Variants in RERE observed in about 807,000 individuals in gnomAD.
RERE encodes the protein arginine-glutamic acid dipeptide repeats, also known as arginine-glutamic acid dipeptide repeats protein.
RERE carries 40 observed loss-of-function variants against 146.1 expected under a neutral mutation model. The observed-to-expected ratio is 0.27, with a 90% CI of 0.21 to 0.36. The LOEUF (loss-of-function observed/expected upper bound fraction) is 0.36, where lower values mean the gene tolerates loss of function less well. Among genes scored for constraint, RERE ranks in the 10% least tolerant of loss-of-function variants. RERE has a pLI of 1.00. For missense variants in RERE, 1,933 were observed against 2,138.7 expected, an observed-to-expected ratio of 0.90 and a Z score of 1.90; for synonymous variants, 1,003 against 866.0, an observed-to-expected ratio of 1.16 and a Z score of -2.78.
intron 12 of RERE, among the ~76,000 whole-genome samples, chr1:8,412,797 A>G (rs955930627): frequency 6.6e-6 from 1 of 152,214 alleles, no homozygotes; most frequent in African/African-American, 2.4e-5. Flanking sequence ...CTGGGACAGT[A>G]GAGTTCACAG....
chr1:8,633,281 G>A (rs1017433409), intron 2 of RERE, among the ~76,000 whole-genome samples: 1 of 152,062 alleles, frequency 6.6e-6, no homozygotes, highest in African/African-American at 2.4e-5. Context: ...TAAATAGCTG[G>A]GCACGGTGGC....
intron 1 of RERE, among the ~76,000 whole-genome samples, chr1:8,701,320 A>ACG (rs1639444556): frequency 3.1e-5 from 1 of 32,568 alleles, no homozygotes; most frequent in Non-Finnish European, 6.5e-5. Context: ...ACACACACAC[A>ACG]CACGCACACA....
At chr1:8,533,157 T>TG (rs1161715475) in intron 7 of RERE, among the ~76,000 whole-genome samples, 1 of 151,614 alleles carries the variant, frequency 6.6e-6, no homozygotes, top group Non-Finnish European at 1.5e-5. Flanking sequence ...GGCGGAAATC[T>TG]GGATGTAATG....
At chr1:8,451,523 A>G (rs1411561325) in intron 11 of RERE, among the ~76,000 whole-genome samples, 1 of 152,190 alleles carries the variant, frequency 6.6e-6, no homozygotes, top group Non-Finnish European at 1.5e-5. Flanking sequence ...GCTGCATATT[A>G]GTGTCCTAAC....
rs1305864548 is a variant in RERE at position 8,360,378 on chromosome 1, G to A, written c.3129C>T (p.Gly1043=). 27 of 1,206,468 alleles carry A rather than the reference G, an allele frequency of 2.2e-5. No individual in the cohort carries two copies. The highest frequency in any genetic ancestry group is 6.3e-5 in the East Asian group (1 of 15,998). The allele number at this position is 1,206,468 out of a possible 1,614,324, so 74.7% of individuals were successfully genotyped here. Residue 1043 remains glycine, a synonymous_variant, in exon 18 of 23, where the codon GGC becomes GGT. Transcript: ENST00000400908. ...AGGTCGGAGGGGTGATGGGAGGAGG[G>A]CCTCCAGGGACAAAGGGGTGCTGAG... ...PFAQHPFVPG[G]PPPITPPTCP...
At chr1:8,746,289 T>C (rs903105927) in intron 1 of RERE, among the ~76,000 whole-genome samples, 2 of 152,152 alleles carry the variant, frequency 1.3e-5, no homozygotes, top group Admixed American at 1.3e-4. Flanking sequence ...CCTTACTGAC[T>C]TTACTCTAGG....
At chr1:8,684,425 C>T (rs969170659) in intron 1 of RERE, among the ~76,000 whole-genome samples, 3 of 151,740 alleles carry the variant, frequency 2.0e-5, no homozygotes, top group Non-Finnish European at 4.4e-5. Context: ...AAACAAAAAA[C>T]CCCGCCCTCC....
chr1:8,399,497 A>G lies in RERE; in HGVS notation c.1284+23230T>C, dbSNP rs1333822570. 3.3e-5 allele frequency among the ~76,000 whole-genome samples: 5 copies of G among 152,246 alleles called. No homozygotes were observed. The South Asian group carries it at 8.3e-4, about 25-fold the overall frequency. Reference sequence around the variant, plus strand: ...CTGCCCCCATTACACTGACGTCTCTATTTTGCATCAATACCACCAGGTCTT... The same window carrying G: ...CTGCCCCCATTACACTGACGTCTCTGTTTTGCATCAATACCACCAGGTCTT... On this transcript the variant is annotated intron_variant, in intron 12 of 22. Transcript: ENST00000400908.
intron 1 of RERE, among the ~76,000 whole-genome samples, chr1:8,813,271 TA>T (rs1485921230): frequency 6.6e-6 from 1 of 152,224 alleles, no homozygotes; most frequent in Admixed American, 6.5e-5. Context: ...ATGACTCACT[TA>T]AACATTTGAA....
chr1:8,441,371 C>T (rs991493135), intron 11 of RERE, among the ~76,000 whole-genome samples: 1 of 152,202 alleles, frequency 6.6e-6, no homozygotes, highest in Non-Finnish European at 1.5e-5. Flanking sequence ...CTTCTATCCC[C>T]ACCACTGCCC....
At chr1:8,801,103 A>G (rs1171190546) in intron 1 of RERE, among the ~76,000 whole-genome samples, 1 of 152,048 alleles carries the variant, frequency 6.6e-6, no homozygotes, top group Non-Finnish European at 1.5e-5. Flanking sequence ...TACAAAAAAT[A>G]CACAAATTAG....
intron 4 of RERE, among the ~76,000 whole-genome samples, chr1:8,565,243 G>A (rs1462708673): frequency 6.6e-6 from 1 of 152,106 alleles, no homozygotes; most frequent in African/African-American, 2.4e-5. Context: ...CATAAAAAAT[G>A]ATAATTAGCT....
rs553088974 is a variant in RERE at position 8,474,061 on chromosome 1, T to A, written c.1105-8038A>T. On this transcript the variant is annotated intron_variant, in intron 10 of 22. Transcript: ENST00000400908. Reference sequence around the variant, plus strand: ...GCATAATTGCCCAAGTTAAATCTGCTACTCTCACTCTGCCTGACAAATCAT... The same window carrying A: ...GCATAATTGCCCAAGTTAAATCTGCAACTCTCACTCTGCCTGACAAATCAT... Among the ~76,000 whole-genome samples, 3 of 152,338 alleles carry A rather than the reference T, an allele frequency of 2.0e-5. No homozygotes were observed. The South Asian group carries it at 6.2e-4, about 32-fold the overall frequency.
intron 1 of RERE, among the ~76,000 whole-genome samples, chr1:8,771,031 T>A (rs926045698): frequency 2.0e-5 from 3 of 152,078 alleles, no homozygotes; most frequent in African/African-American, 7.2e-5. Flanking sequence ...CTCAGTACAG[T>A]ATGTAGAATA....
chr1:8,723,124 C>T (rs940315955), intron 1 of RERE, among the ~76,000 whole-genome samples: 2 of 152,130 alleles, frequency 1.3e-5, no homozygotes, highest in Non-Finnish European at 2.9e-5. Flanking sequence ...ATCCTGAATG[C>T]CTCACAAACA....
At chr1:8,647,877 C>T (rs554239393) in intron 2 of RERE, among the ~76,000 whole-genome samples, 2 of 152,280 alleles carry the variant, frequency 1.3e-5, no homozygotes, top group South Asian at 4.1e-4. Flanking sequence ...CGGGGACTCC[C>T]TCCCCACTTT....
chr1:8,403,912 C>A (rs1046846723), intron 12 of RERE, among the ~76,000 whole-genome samples: 23 of 142,532 alleles, frequency 1.6e-4, no homozygotes, highest in Admixed American at 3.6e-4. Context: ...CTCACTGCAA[C>A]CTCCATCTCG....
At chr1:8,460,716 T>C (rs904847623) in intron 11 of RERE, among the ~76,000 whole-genome samples, 2 of 152,200 alleles carry the variant, frequency 1.3e-5, no homozygotes, top group Non-Finnish European at 1.5e-5. Context: ...TGTAGTAACA[T>C]GGTAAGCAAC....
At chr1:8,667,209 A>G (rs766333959) in intron 1 of RERE, among the ~76,000 whole-genome samples, 28 of 152,232 alleles carry the variant, frequency 1.8e-4, no homozygotes, top group Non-Finnish European at 2.8e-4. Flanking sequence ...AGACCACTGC[A>G]GAGGGTGCAA....
Sources: gnomAD v4.1 joint callset for allele counts (sites outside exome capture counted in the v4.1 genomes callset) on GRCh38, gnomAD v4.1.1 for gene constraint, MANE v1.5 for transcripts, NCBI Gene and HGNC (gene_info 2026-07-23, HGNC 2026-07-21) for gene names.